Variants in CCL5 observed in about 807,000 individuals in gnomAD.
The protein encoded by CCL5 is C-C motif chemokine 5.
Under a neutral mutation model 9.0 loss-of-function variants are expected in CCL5, and 5 were observed. The observed-to-expected ratio is 0.55, with a 90% CI of 0.29 to 1.16. The LOEUF (loss-of-function observed/expected upper bound fraction) is 1.16. CCL5 is among the 50% of genes most tolerant of loss of function. The pLI is 0.08. For missense variants in CCL5, 183 were observed against 183.2 expected, an observed-to-expected ratio of 1.00 and a Z score of 0.01; for synonymous variants, 66 against 72.0, an observed-to-expected ratio of 0.92 and a Z score of 0.42.
chr17:35,876,650 C>T (rs897691757), intron 2 of CCL5, among the ~76,000 whole-genome samples: 14 of 152,168 alleles, frequency 9.2e-5, no homozygotes, highest in Non-Finnish European at 1.9e-4. Context: ...CAACAGTAGC[C>T]GCTAAACTGG....
intron 3 of CCL5, 97 bp from the exon 3 acceptor site, chr17:35,872,561 T>G (rs1461816410): frequency 3.0e-6 from 3 of 995,386 alleles, no homozygotes; most frequent in Non-Finnish European, 4.8e-6. Flanking sequence ...AGGGAAATTA[T>G]GATGATATCG....
intron 2 of CCL5, chr17:35,875,681 G>A: frequency 1.2e-6 from 1 of 865,764 alleles, no homozygotes; most frequent in African/African-American, 1.8e-5. Flanking sequence ...TACCTGAGAT[G>A]AGGGTAGCTC....
chr17:35,878,524 T>A lies in CCL5; in HGVS notation c.188+4A>T. On this transcript the variant is annotated splice_donor_region_variant and intron_variant, in intron 2 of 3. Coordinates refer to ENST00000651122, the MANE Select transcript of CCL5 (RefSeq NM_001278736.2). ...TGGGAGGGCTCCATGGGGCTGAGAC[T>A]CACACGACTGCTGGGTTGGAGCACT... is the stretch of plus-strand genomic sequence containing the variant. The A allele has an allele frequency of 1.2e-6, 2 of 1,606,764 alleles. No individual in the cohort carries two copies. The highest frequency in any genetic ancestry group is 1.7e-6 in the Non-Finnish European group (2 of 1,173,552).
intron 3 of CCL5, among the ~76,000 whole-genome samples, chr17:35,873,035 G>A (rs1355871631): frequency 4.6e-5 from 7 of 151,700 alleles, no homozygotes; most frequent in South Asian, 2.1e-4. Context: ...GACTACTGGC[G>A]CCCGCCACCA....
rs1274661249 is a variant in CCL5 at position 35,880,230 on chromosome 17, A to T, written c.76T>A (p.Tyr26Asn). The change falls in exon 1 of 4, where the codon TAT (tyrosine) becomes AAT (asparagine). Residue 26 changes from tyrosine (Y) to asparagine (N), a missense_variant and splice_region_variant. Coordinates refer to ENST00000651122, the MANE Select transcript of CCL5 (RefSeq NM_001278736.2). ...TGTGGTGGTCAAGACCAGGACTTAC[A>T]TGGGGAGGCAGATGCAGGAGCGCAG... 6.2e-7 allele frequency: 1 copy of T among 1,613,576 alleles called. No homozygotes were observed. Among genetic ancestry groups the T allele is most frequent in the Admixed American group, 1.7e-5 (1 of 59,980 alleles).
At chr17:35,875,297 C>G (rs955726031) in intron 3 of CCL5, among the ~76,000 whole-genome samples, 1 of 152,084 alleles carries the variant, frequency 6.6e-6, no homozygotes, top group African/African-American at 2.4e-5. Flanking sequence ...ACCATCGTAA[C>G]CATTTTTGGA....
At chr17:35,872,970 A>C (rs2088392214) in intron 3 of CCL5, among the ~76,000 whole-genome samples, 1 of 151,562 alleles carries the variant, frequency 6.6e-6, no homozygotes, top group Middle Eastern at 3.4e-3. Flanking sequence ...GCTCACTGCA[A>C]CTTTCGCCTC....
At position 35,878,558 on chromosome 17, in the gene CCL5, G is replaced by A. The variant is rs1489686362; in HGVS notation, c.158C>T (p.Thr53Ile). 6.2e-7 allele frequency: 1 copy of A among 1,613,748 alleles called. No homozygotes were observed. The highest frequency in any genetic ancestry group is 1.3e-5 in the African/African-American group (1 of 74,872). ...TGCTGGGTTGGAGCACTTGCCACTG[G>A]TGTAGAAATACTCCTTGATGTGGGC... The change falls in exon 2 of 4, where the codon ACC (threonine) becomes ATC (isoleucine). Residue 53 changes from threonine (T) to isoleucine (I), a missense_variant. Transcript: ENST00000651122.
At chr17:35,875,165 TTCTC>T (rs2088426780) in intron 3 of CCL5, among the ~76,000 whole-genome samples, 1 of 152,232 alleles carries the variant, frequency 6.6e-6, no homozygotes, top group South Asian at 2.1e-4. Flanking sequence ...TTTTCATTCT[TTCTC>T]TATGCATGTA....
intron 1 of CCL5, among the ~76,000 whole-genome samples, chr17:35,879,856 A>G (rs2088493114): frequency 6.6e-6 from 1 of 152,130 alleles, no homozygotes; most frequent in Admixed American, 6.5e-5. Context: ...GTTTTAGTTT[A>G]GTTAAATTTC....
At chr17:35,879,901 C>T (rs1466426211) in intron 1 of CCL5, among the ~76,000 whole-genome samples, 3 of 152,172 alleles carry the variant, frequency 2.0e-5, no homozygotes, top group Non-Finnish European at 2.9e-5. Context: ...ATGAGTCAGA[C>T]GTGTTTCAAA....
chr17:35,872,792 C>T (rs1876352883), intron 3 of CCL5, among the ~76,000 whole-genome samples: 1 of 152,188 alleles, frequency 6.6e-6, no homozygotes, highest in Non-Finnish European at 1.5e-5. Flanking sequence ...AGCACTTCCT[C>T]TGCTCCAGGC....
chr17:35,878,337 A>G (rs2088469921), intron 2 of CCL5, among the ~76,000 whole-genome samples, 191 bp downstream of exon 2: 1 of 148,352 alleles, frequency 6.7e-6, no homozygotes, highest in Non-Finnish European at 1.5e-5. Flanking sequence ...AACATAGTCC[A>G]TTGGAGTGGG....
intron 2 of CCL5, among the ~76,000 whole-genome samples, chr17:35,876,340 C>T (rs2088440963): frequency 6.6e-6 from 1 of 152,152 alleles, no homozygotes; most frequent in Admixed American, 6.5e-5. Flanking sequence ...AGCTACCAAC[C>T]CTTCATTTCA....
intron 2 of CCL5, among the ~76,000 whole-genome samples, chr17:35,877,474 C>T (rs1333595808): frequency 6.6e-6 from 1 of 152,218 alleles, no homozygotes; most frequent in Non-Finnish European, 1.5e-5. Flanking sequence ...ATTTCTTAAG[C>T]AATTGTCACT....
rs28914799 is a variant in CCL5, at chr17:35,879,471, A to G, written c.76+759T>C. ...AACATGGTGAAACCCCGTCTCTACT[A>G]AAAAATACAAAACATTAGCAGGGTG... On this transcript the variant is annotated intron_variant, in intron 1 of 3. Coordinates refer to ENST00000651122, the MANE Select transcript of CCL5 (RefSeq NM_001278736.2). 2.6e-4 allele frequency among the ~76,000 whole-genome samples: 39 copies of G among 151,970 alleles called. No homozygotes were observed. The East Asian group carries it at 7.6e-3, about 30-fold the overall frequency.
chr17:35,872,656 T>C (rs780947360), intron 3 of CCL5, among the ~76,000 whole-genome samples, 192 bp from the exon 3 acceptor site: 4 of 152,164 alleles, frequency 2.6e-5, no homozygotes, highest in Non-Finnish European at 5.9e-5. Context: ...ATCAAAGGGC[T>C]CCAAGCCAGA....
intron 1 of CCL5, among the ~76,000 whole-genome samples, chr17:35,879,914 C>T (rs1040110352): frequency 2.0e-5 from 3 of 152,082 alleles, no homozygotes; most frequent in Non-Finnish European, 4.4e-5. Flanking sequence ...GTTTCAAAGT[C>T]AGTGTGAGCT....
chr17:35,875,498 CCT>C, intron 3 of CCL5: 1 of 677,748 alleles, frequency 1.5e-6, no homozygotes, highest in African/African-American at 1.9e-5. Flanking sequence ...AATATTCTGG[CCT>C]CTCATACTTT....
Sources: gnomAD v4.1 joint callset for allele counts (sites outside exome capture counted in the v4.1 genomes callset) on GRCh38, gnomAD v4.1.1 for gene constraint, MANE v1.5 for transcripts, NCBI Gene and HGNC (gene_info 2026-07-23, HGNC 2026-07-21) for gene names.